Variants in KCNIP4 observed in about 807,000 individuals in gnomAD.
KCNIP4 encodes the protein Kv channel-interacting protein 4.
KCNIP4 carries 12 observed loss-of-function variants against 34.0 expected under a neutral mutation model. The ratio of observed to expected loss-of-function variants is 0.35; its 90% CI spans 0.23 to 0.57. The LOEUF (loss-of-function observed/expected upper bound fraction) is 0.57, where lower values mean the gene tolerates loss of function less well. Among genes scored for constraint, KCNIP4 ranks in the 20% least tolerant of loss-of-function variants. KCNIP4 has a pLI of 0.83. For synonymous variants in KCNIP4, 124 were observed against 102.2 expected, an observed-to-expected ratio of 1.21 and a Z score of -1.29; for missense variants, 238 against 311.7, an observed-to-expected ratio of 0.76 and a Z score of 1.78.
In KCNIP4 at chr4:20,817,587, A is replaced by AC. The variant is rs1479233308; in HGVS notation, c.288+32955dup. ...TTAATTATTCTTATTTCTCTGTTTT[A>AC]CCTTTGCTATCACCTTATTGCCATT... On this transcript the variant is annotated intron_variant, in intron 3 of 8. Transcript: ENST00000382152. Among the ~76,000 whole-genome samples the AC allele has an allele frequency of 2.7e-5, 4 of 149,618 alleles. No homozygotes were observed. The East Asian group carries it at 7.8e-4, about 29-fold the overall frequency.
intron 1 of KCNIP4, among the ~76,000 whole-genome samples, chr4:21,321,585 G>A (rs1714422521): frequency 6.6e-6 from 1 of 151,922 alleles, no homozygotes; most frequent in African/African-American, 2.4e-5. Flanking sequence ...AGATGGAGGG[G>A]TAGGAGGAGG....
intron 1 of KCNIP4, among the ~76,000 whole-genome samples, chr4:21,770,404 T>C (rs1234050256): frequency 6.6e-6 from 1 of 151,942 alleles, no homozygotes; most frequent in East Asian, 1.9e-4. Flanking sequence ...TCTTTGCTAT[T>C]GTAAATACAT....
chr4:21,933,747 A>G (rs535014546), intron 1 of KCNIP4, among the ~76,000 whole-genome samples: 1 of 152,236 alleles, frequency 6.6e-6, no homozygotes, highest in South Asian at 2.1e-4. Flanking sequence ...TTTGCCTCTG[A>G]GCTGCCTAAG....
chr4:21,538,468 G>C (rs956532400), intron 1 of KCNIP4, among the ~76,000 whole-genome samples: 3 of 151,368 alleles, frequency 2.0e-5, no homozygotes, highest in Non-Finnish European at 4.4e-5. Flanking sequence ...AGGTAAAAGA[G>C]TGTTCCACTT....
Position 21,528,646 on chromosome 4 carries a change from G to A in KCNIP4, c.61+419925C>T, listed in dbSNP as rs549340310. 1.3e-4 allele frequency among the ~76,000 whole-genome samples: 19 copies of A among 148,342 alleles called. No individual in the cohort carries two copies. The East Asian group carries it at 3.8e-3, about 30-fold the overall frequency. ...CGCGTCACTGAACTCCAGCCTGGGCGACAGAGGGAGACTCTGTCTCATAAA... is the reference window on the plus strand; with the variant it reads ...CGCGTCACTGAACTCCAGCCTGGGCAACAGAGGGAGACTCTGTCTCATAAA... On this transcript the variant is annotated intron_variant, in intron 1 of 8. Transcript: ENST00000382152.
chr4:20,984,006 G>T, intron 1 of KCNIP4: 1 of 1,511,972 alleles, frequency 6.6e-7, no homozygotes, highest in Non-Finnish European at 8.8e-7. Context: ...GCAACGTCAG[G>T]CTTGGAACAA....
chr4:21,109,976 A>T (rs954959149), intron 1 of KCNIP4, among the ~76,000 whole-genome samples: 1 of 152,146 alleles, frequency 6.6e-6, no homozygotes. Flanking sequence ...TATTTGAAAT[A>T]CACAAATTTG....
intron 2 of KCNIP4, among the ~76,000 whole-genome samples, chr4:20,866,325 C>T (rs561058645): frequency 3.9e-5 from 6 of 152,146 alleles, no homozygotes; most frequent in East Asian, 3.9e-4. Flanking sequence ...AAGTAGGCTT[C>T]GTTCCTGGGA....
chr4:21,517,350 A>T (rs1206328616), intron 1 of KCNIP4, among the ~76,000 whole-genome samples: 4 of 152,166 alleles, frequency 2.6e-5, no homozygotes, highest in Non-Finnish European at 1.5e-5. Flanking sequence ...CCAGTCATAA[A>T]TGACACAGGA....
chr4:20,933,166 C>T (rs752905326), intron 1 of KCNIP4, among the ~76,000 whole-genome samples: 2 of 152,062 alleles, frequency 1.3e-5, no homozygotes, highest in Non-Finnish European at 2.9e-5. Flanking sequence ...ATCACCTAAA[C>T]CTGGAAGGCA....
intron 1 of KCNIP4, among the ~76,000 whole-genome samples, chr4:21,071,771 T>A (rs190309698): frequency 6.6e-6 from 1 of 152,270 alleles, no homozygotes; most frequent in South Asian, 2.1e-4. Flanking sequence ...TGGGTATATC[T>A]CCTAATGCTT....
chr4:20,898,677 G>A (rs1179000760), intron 1 of KCNIP4, among the ~76,000 whole-genome samples: 1 of 152,158 alleles, frequency 6.6e-6, no homozygotes, highest in Non-Finnish European at 1.5e-5. Context: ...GGACATAGTA[G>A]AGTCTCAATT....
At chr4:21,717,695 T>C (rs1402450093) in intron 1 of KCNIP4, among the ~76,000 whole-genome samples, 1 of 152,204 alleles carries the variant, frequency 6.6e-6, no homozygotes, top group Non-Finnish European at 1.5e-5. Flanking sequence ...GATCAGACTT[T>C]GCACATATTA....
In KCNIP4 at chr4:21,489,836, T is replaced by C. The variant is rs78976149; in HGVS notation, c.61+458735A>G. ...AAACTGTTCATAGAATGAGCTTATA[T>C]AAACACTGAGATTTGACACATTCTT... On this transcript the variant is annotated intron_variant, in intron 1 of 8. Coordinates refer to ENST00000382152, the MANE Select transcript of KCNIP4 (RefSeq NM_025221.6). Among the ~76,000 whole-genome samples the C allele has an allele frequency of 0.01, 1,528 of 152,146 alleles. 65 individuals carry two copies. The East Asian group carries it at 0.12, about 12-fold the overall frequency.
chr4:21,603,037 T>C (rs931883646), intron 1 of KCNIP4, among the ~76,000 whole-genome samples: 1 of 152,206 alleles, frequency 6.6e-6, no homozygotes, highest in African/African-American at 2.4e-5. Flanking sequence ...TTATCCAATA[T>C]ATTGTTTTTT....
At chr4:21,640,714 T>A (rs1423143343) in intron 1 of KCNIP4, among the ~76,000 whole-genome samples, 1 of 152,154 alleles carries the variant, frequency 6.6e-6, no homozygotes, top group East Asian at 1.9e-4. Flanking sequence ...ACATTTCTTA[T>A]TCTGGTTTGC....
At chr4:21,786,461 C>T (rs1359732856) in intron 1 of KCNIP4, among the ~76,000 whole-genome samples, 2 of 152,168 alleles carry the variant, frequency 1.3e-5, no homozygotes, top group Non-Finnish European at 2.9e-5. Context: ...GGCAAGTACT[C>T]CCAGAGAGTT....
At chr4:21,362,787 G>A (rs988849115) in intron 1 of KCNIP4, among the ~76,000 whole-genome samples, 1 of 152,022 alleles carries the variant, frequency 6.6e-6, no homozygotes, top group Non-Finnish European at 1.5e-5. Context: ...TTAACTGAAG[G>A]ATGAAATTAA....
chr4:21,146,770 G>A (rs1047546329), intron 1 of KCNIP4, among the ~76,000 whole-genome samples: 4 of 152,068 alleles, frequency 2.6e-5, no homozygotes, highest in Admixed American at 2.0e-4. Flanking sequence ...TGAATATTTT[G>A]AACATACCTT....
Sources: gnomAD v4.1 joint callset for allele counts (sites outside exome capture counted in the v4.1 genomes callset) on GRCh38, gnomAD v4.1.1 for gene constraint, MANE v1.5 for transcripts, NCBI Gene and HGNC (gene_info 2026-07-23, HGNC 2026-07-21) for gene names.